The following UBE2E2 variants were observed in gnomAD, a reference collection of about 807,000 sequenced individuals.
UBE2E2 encodes ubiquitin conjugating enzyme E2 E2, also known as ubiquitin-conjugating enzyme E2 E2.
A neutral mutation model predicts 24.7 loss-of-function variants in UBE2E2; 6 were observed. The ratio of observed to expected loss-of-function variants is 0.24; its 90% CI spans 0.13 to 0.48. UBE2E2 has a LOEUF of 0.48. Ranked by LOEUF, UBE2E2 falls within the 20% of genes least tolerant of loss-of-function variation. UBE2E2 has a pLI of 0.99. For synonymous variants in UBE2E2, 104 were observed against 83.6 expected (o/e 1.24, Z -1.33); for missense variants, 169 against 245.0 (o/e 0.69, Z 2.07).
At chr3:23,520,500 A>G (rs1694839450) in intron 4 of UBE2E2, among the ~76,000 whole-genome samples, 1 of 152,216 alleles carries the variant, frequency 6.6e-6, no homozygotes, top group Non-Finnish European at 1.5e-5. Flanking sequence ...AAATTTTTAT[A>G]GTATTTGTGA....
chr3:23,489,587 G>A (rs754745648), intron 3 of UBE2E2, among the ~76,000 whole-genome samples: 2 of 152,218 alleles, frequency 1.3e-5, no homozygotes, highest in African/African-American at 2.4e-5. Flanking sequence ...CAAGGAAGAG[G>A]TGAGCCCTGC....
intron 5 of UBE2E2, among the ~76,000 whole-genome samples, chr3:23,568,194 A>G (rs1696121820): frequency 6.6e-6 from 1 of 152,128 alleles, no homozygotes; most frequent in Non-Finnish European, 1.5e-5. Context: ...CGTGGTGGAG[A>G]CCACGGATAC....
chr3:23,562,701 G>GA (rs1695963962), intron 5 of UBE2E2, among the ~76,000 whole-genome samples: 1 of 152,102 alleles, frequency 6.6e-6, no homozygotes, highest in Non-Finnish European at 1.5e-5. Context: ...TTTGGTCCTG[G>GA]ACTTTTTTTG....
At chr3:23,246,957 T>G (rs1249088488) in intron 3 of UBE2E2, among the ~76,000 whole-genome samples, 1 of 151,776 alleles carries the variant, frequency 6.6e-6, no homozygotes, top group African/African-American at 2.4e-5. Flanking sequence ...TCAAGGGTTC[T>G]TCTTGCCTCA....
intron 4 of UBE2E2, among the ~76,000 whole-genome samples, chr3:23,531,222 G>T (rs1575688814): frequency 6.6e-6 from 1 of 152,144 alleles, no homozygotes; most frequent in African/African-American, 2.4e-5. Context: ...GGATGCCCTG[G>T]TGGAGTGGCA....
In UBE2E2 at chr3:23,583,338, A is replaced by G. The variant is rs955710493; in HGVS notation, c.509-6396A>G. ...GCTGTTTTGGTTACTATAGCCTTGT[A>G]GTATGCTTTGAAGTCAGGTCATGTG... On this transcript the variant is annotated intron_variant, in intron 5 of 5. Coordinates refer to ENST00000396703, the MANE Select transcript of UBE2E2 (RefSeq NM_152653.4). The surrounding 1 kb of genome is among the most constrained non-coding windows in gnomAD (Gnocchi z 4.1). Among the ~76,000 whole-genome samples the G allele has an allele frequency of 6.6e-6, 1 of 152,144 alleles. No homozygotes were observed. Among genetic ancestry groups the G allele is most frequent in the Non-Finnish European group, 1.5e-5 (1 of 68,026 alleles).
chr3:23,232,357 A>T (rs1001638152), intron 3 of UBE2E2, among the ~76,000 whole-genome samples: 64 of 152,356 alleles, frequency 4.2e-4, no homozygotes, highest in Admixed American at 4.1e-3. Flanking sequence ...TGTTTCATAA[A>T]TACCTTTTAC....
intron 3 of UBE2E2, among the ~76,000 whole-genome samples, chr3:23,241,906 G>A (rs962559092): frequency 1.3e-5 from 2 of 152,076 alleles, no homozygotes; most frequent in Non-Finnish European, 1.5e-5. Context: ...CAAGCCTGAT[G>A]TTTTTGTTTC....
chr3:23,382,552 T>C (rs1218720068), intron 3 of UBE2E2, among the ~76,000 whole-genome samples: 1 of 152,242 alleles, frequency 6.6e-6, no homozygotes, highest in African/African-American at 2.4e-5. Context: ...GAGAAGTTGA[T>C]ATTCATATTT....
In UBE2E2 at chr3:23,586,017, T is replaced by C. The variant is rs113046622; in HGVS notation, c.509-3717T>C. On this transcript the variant is annotated intron_variant, in intron 5 of 5. Coordinates refer to ENST00000396703, the MANE Select transcript of UBE2E2 (RefSeq NM_152653.4). ...ATTTTCAGACTTTCACATTGAAAAG[T>C]CCTCCCTTAATTAAGCATATACAAT... Among the ~76,000 whole-genome samples, 493 of 152,244 alleles carry C rather than the reference T, an allele frequency of 3.2e-3. 3 individuals are homozygous for C. Among genetic ancestry groups the C allele is most frequent in the Non-Finnish European group, 4.8e-3 (328 of 68,028 alleles).
chr3:23,331,441 A>G (rs1055798899), intron 3 of UBE2E2, among the ~76,000 whole-genome samples: 2 of 152,042 alleles, frequency 1.3e-5, no homozygotes, highest in South Asian at 4.2e-4. Context: ...AAAATGTAAT[A>G]AATACTTTGG....
chr3:23,469,002 C>T (rs967136253), intron 3 of UBE2E2, among the ~76,000 whole-genome samples: 4 of 152,092 alleles, frequency 2.6e-5, no homozygotes, highest in Non-Finnish European at 5.9e-5. Context: ...ACTGAAATCC[C>T]CTTGAGCTCT....
intron 5 of UBE2E2, among the ~76,000 whole-genome samples, chr3:23,556,685 A>G (rs1007116849): frequency 1.3e-5 from 2 of 152,122 alleles, no homozygotes; most frequent in Non-Finnish European, 2.9e-5. Flanking sequence ...TATGGTTTAG[A>G]ATTTCACTGT....
chr3:23,217,809 G>A (rs906438581), intron 3 of UBE2E2, among the ~76,000 whole-genome samples: 2 of 152,056 alleles, frequency 1.3e-5, no homozygotes, highest in East Asian at 1.9e-4. Flanking sequence ...GATGTTAAAT[G>A]TAAAACTCTC....
At chr3:23,307,372 C>T (rs926657640) in intron 3 of UBE2E2, among the ~76,000 whole-genome samples, 4 of 152,088 alleles carry the variant, frequency 2.6e-5, no homozygotes, top group Non-Finnish European at 2.9e-5. Flanking sequence ...ACTTGAATCT[C>T]CTAAGGCATT....
intron 3 of UBE2E2, among the ~76,000 whole-genome samples, chr3:23,472,735 A>G (rs963374502): frequency 2.0e-5 from 3 of 151,460 alleles, no homozygotes; most frequent in Non-Finnish European, 4.4e-5. Flanking sequence ...TGCAGCCTCA[A>G]CCTCCTGGAC....
chr3:23,558,690 T>C (rs1427447652), intron 5 of UBE2E2, among the ~76,000 whole-genome samples: 1 of 152,206 alleles, frequency 6.6e-6, no homozygotes, highest in Non-Finnish European at 1.5e-5. Context: ...CATTGGTCAA[T>C]GGGATATTGC....
intron 5 of UBE2E2, among the ~76,000 whole-genome samples, chr3:23,571,551 G>T (rs932958679): frequency 6.6e-6 from 1 of 151,908 alleles, no homozygotes; most frequent in Middle Eastern, 3.4e-3. Context: ...GCCTCCCAAA[G>T]TGCTGGGATT....
chr3:23,531,574 A>G (rs1435173778), intron 4 of UBE2E2, among the ~76,000 whole-genome samples: 2 of 152,216 alleles, frequency 1.3e-5, no homozygotes, highest in African/African-American at 2.4e-5. Context: ...TGATCTAGCT[A>G]TCACAGGGCA....
Sources: gnomAD v4.1 joint callset for allele counts (sites outside exome capture counted in the v4.1 genomes callset) on GRCh38, gnomAD v4.1.1 for gene constraint, Gnocchi (gnomAD v3.1) non-coding constraint, MANE v1.5 for transcripts, NCBI Gene and HGNC (gene_info 2026-07-23, HGNC 2026-07-21) for gene names.